The following RPRD2 variants were observed in gnomAD, a reference collection of about 807,000 sequenced individuals.
The protein encoded by RPRD2 is regulation of nuclear pre-mRNA domain-containing protein 2.
A neutral mutation model predicts 104.4 loss-of-function variants in RPRD2; 12 were observed. That is an observed-to-expected ratio of 0.11 (90% CI 0.07 to 0.19). RPRD2 has a LOEUF of 0.19. Among genes scored for constraint, RPRD2 ranks in the 10% least tolerant of loss-of-function variants. The pLI is 1.00. For missense variants in RPRD2, 1,543 were observed against 1,790.1 expected (o/e 0.86, Z 2.49); for synonymous variants, 714 against 684.9 (o/e 1.04, Z -0.66).
intron 7 of RPRD2, among the ~76,000 whole-genome samples, chr1:150,453,751 C>T (rs782671068): frequency 3.3e-5 from 5 of 152,190 alleles, no homozygotes; most frequent in Non-Finnish European, 7.3e-5. Context: ...TTGGACCTAT[C>T]TCTTAGCATG....
At position 150,376,432 on chromosome 1, in the gene RPRD2, G is replaced by A. The variant is rs782414941; in HGVS notation, c.205+11513G>A. 1.2e-4 allele frequency among the ~76,000 whole-genome samples: 18 copies of A among 151,900 alleles called. 1 individual carries two copies. Among genetic ancestry groups the A allele is most frequent in the Non-Finnish European group, 2.5e-4 (17 of 68,000 alleles). On this transcript the variant is annotated intron_variant, in intron 1 of 10. Coordinates refer to ENST00000369068, the MANE Select transcript of RPRD2 (RefSeq NM_015203.5). ...AACATTTTTTGTTTTAAAAAACCTA[G>A]AATGGATCCTGAGCTGTTTTTGTGT...
In RPRD2 at chr1:150,384,707, C is replaced by T. The variant is rs1204162155; in HGVS notation, c.205+19788C>T. ...TTTTTAGTAGAGACCAGGTTTCACC[C>T]TGTTGGCCAAGCTGGTCTTGAACTC... On this transcript the variant is annotated intron_variant, in intron 1 of 10. Coordinates refer to ENST00000369068, the MANE Select transcript of RPRD2 (RefSeq NM_015203.5). Among the ~76,000 whole-genome samples the T allele has an allele frequency of 2.0e-5, 3 of 149,938 alleles. No individual in the cohort carries two copies. In the Admixed American group the frequency reaches 2.0e-4, roughly 10 times the overall value.
chr1:150,365,023 G>A, intron 1 of RPRD2, 104 bp downstream of exon 1: 1 of 1,206,840 alleles, frequency 8.3e-7, no homozygotes. Context: ...TTTGGTTGGG[G>A]TTGTTCACAT....
intron 7 of RPRD2, 92 bp downstream of exon 7, chr1:150,446,493 C>T (rs1039550931): frequency 9.2e-7 from 1 of 1,086,638 alleles, no homozygotes; most frequent in African/African-American, 1.6e-5. Flanking sequence ...TTAGGATATG[C>T]ATTTTTATCT....
Position 150,474,929 on chromosome 1 carries a change from A to G in RPRD2, c.*1595A>G, listed in dbSNP as rs1668813994. On this transcript the variant is annotated 3_prime_UTR_variant, in exon 11 of 11. Transcript: ENST00000369068. ...ACAGAAAATGATTCTCTCAGAATGA[A>G]CTTTTCAGAGAAAGAGCAGCATAAA... 1 of 152,196 alleles carries G rather than the reference A, an allele frequency of 6.6e-6. No homozygotes were observed. The highest frequency in any genetic ancestry group is 2.4e-5 in the African/African-American group (1 of 41,452). 9.4% of individuals were successfully genotyped at this position (152,196 alleles called of 1,614,324 possible).
At chr1:150,397,475 C>T (rs189116228) in intron 1 of RPRD2, among the ~76,000 whole-genome samples, 2,091 of 152,140 alleles carry the variant, frequency 0.014, 42 homozygotes, top group African/African-American at 0.048. Context: ...CCAAATTCTT[C>T]CCCATTTTTA....
chr1:150,419,057 T>C (rs782091559), intron 2 of RPRD2, among the ~76,000 whole-genome samples: 1 of 152,148 alleles, frequency 6.6e-6, no homozygotes, highest in Non-Finnish European at 1.5e-5. Context: ...ACTCTGACCA[T>C]GGGCCCTTCT....
intron 7 of RPRD2, among the ~76,000 whole-genome samples, chr1:150,450,030 T>C (rs911628249): frequency 2.5e-4 from 38 of 152,160 alleles, no homozygotes; most frequent in African/African-American, 8.9e-4. Flanking sequence ...TTTATTCTGT[T>C]GAATCTTATC....
chr1:150,365,022 G>A, intron 1 of RPRD2, 103 bp downstream of exon 1: 1 of 1,220,680 alleles, frequency 8.2e-7, no homozygotes, highest in Non-Finnish European at 1.1e-6. Flanking sequence ...ATTTGGTTGG[G>A]GTTGTTCACA....
chr1:150,460,608 G>C (rs1667866636), intron 9 of RPRD2, among the ~76,000 whole-genome samples: 1 of 152,028 alleles, frequency 6.6e-6, no homozygotes, highest in Admixed American at 6.6e-5. Context: ...TCACCATGTT[G>C]GCCAGGCTGG....
rs1327298214 is a variant in RPRD2, at chr1:150,475,596, A to T, written c.*2262A>T. On this transcript the variant is annotated 3_prime_UTR_variant, in exon 11 of 11. Transcript: ENST00000369068. ...GGGGTACTTTTTTGTTTTTTAAGCCACAAAATCCTCAATATGTTTGTTTTA... is the reference window on the plus strand; with the variant it reads ...GGGGTACTTTTTTGTTTTTTAAGCCTCAAAATCCTCAATATGTTTGTTTTA... The T allele has an allele frequency of 6.6e-6, 1 of 152,622 alleles. No individual in the cohort carries two copies. Among genetic ancestry groups the T allele is most frequent in the East Asian group, 1.9e-4 (1 of 5,200 alleles). The allele number at this position is 152,622 out of a possible 1,614,324, so 9.5% of individuals were successfully genotyped here.
At chr1:150,382,118 T>C (rs1661179834) in intron 1 of RPRD2, among the ~76,000 whole-genome samples, 1 of 152,212 alleles carries the variant, frequency 6.6e-6, no homozygotes, top group Non-Finnish European at 1.5e-5. Flanking sequence ...TGCAGGCCTG[T>C]CTGCATAAGC....
chr1:150,429,555 A>T (rs781828314), intron 2 of RPRD2, among the ~76,000 whole-genome samples: 14 of 152,222 alleles, frequency 9.2e-5, no homozygotes, highest in Admixed American at 2.0e-4. Context: ...AGGTTTCACC[A>T]TGTTGCCCAG....
At chr1:150,378,355 C>T (rs1660875265) in intron 1 of RPRD2, among the ~76,000 whole-genome samples, 1 of 152,124 alleles carries the variant, frequency 6.6e-6, no homozygotes, top group Non-Finnish European at 1.5e-5. Context: ...GTTAAAATAA[C>T]TTGTTCAAGG....
At chr1:150,371,772 T>C (rs1660321528) in intron 1 of RPRD2, among the ~76,000 whole-genome samples, 2 of 152,168 alleles carry the variant, frequency 1.3e-5, no homozygotes. Context: ...GTATACACTC[T>C]TACCCACCAT....
chr1:150,468,924 G>A (rs961022956), intron 10 of RPRD2, among the ~76,000 whole-genome samples: 11 of 142,606 alleles, frequency 7.7e-5, no homozygotes, highest in African/African-American at 3.0e-4. Flanking sequence ...TATGTGGCTA[G>A]GGAACTTTTT....
chr1:150,404,624 AT>A (rs34001951), intron 1 of RPRD2, among the ~76,000 whole-genome samples: 3 of 151,468 alleles, frequency 2.0e-5, no homozygotes, highest in Non-Finnish European at 2.9e-5. Context: ...ATAAAAAAAA[AT>A]TTTTTTTGAA....
At chr1:150,385,497 T>C (rs1327492550) in intron 1 of RPRD2, among the ~76,000 whole-genome samples, 1 of 152,204 alleles carries the variant, frequency 6.6e-6, no homozygotes, top group Non-Finnish European at 1.5e-5. Context: ...AAGTAGTTAA[T>C]ATATTTAATA....
chr1:150,469,451 A>AT (rs1466261105), intron 10 of RPRD2, among the ~76,000 whole-genome samples: 1 of 151,592 alleles, frequency 6.6e-6, no homozygotes, highest in African/African-American at 2.4e-5. Context: ...TGATTTTTAA[A>AT]TTTTTTTTAG....
Sources: gnomAD v4.1 joint callset for allele counts (sites outside exome capture counted in the v4.1 genomes callset) on GRCh38, gnomAD v4.1.1 for gene constraint, MANE v1.5 for transcripts, NCBI Gene and HGNC (gene_info 2026-07-23, HGNC 2026-07-21) for gene names.